LGSN: variants seen among roughly 807,000 people sequenced by gnomAD.
LGSN encodes the protein lengsin, lens protein with glutamine synthetase domain.
In LGSN, 21 loss-of-function variants were observed where a neutral mutation model predicts 19.5. That is an observed-to-expected ratio of 1.07 (90% CI 0.76 to 1.55). The LOEUF is 1.55. Among genes scored for constraint, LGSN ranks in the 40% most tolerant of loss-of-function variants. The pLI is 0.00. For missense variants in LGSN, 673 were observed against 608.5 expected (o/e 1.11, Z -1.12); for synonymous variants, 257 against 215.6 (o/e 1.19, Z -1.68).
At chr6:63,516,109 A>G in the LGSN span, among the ~76,000 whole-genome samples, 7 of 152,192 alleles carry the variant, frequency 4.6e-5, no homozygotes, top group African/African-American at 1.7e-4. Context: ...AATCTAAACC[A>G]TCAATAGAAC....
chr6:63,416,113 C>CT, the LGSN span, among the ~76,000 whole-genome samples: 150 of 133,178 alleles, frequency 1.1e-3, no homozygotes, highest in African/African-American at 2.6e-3. Context: ...AAGGGAGATG[C>CT]TTTTTTTTTT....
the LGSN span, among the ~76,000 whole-genome samples, chr6:63,454,470 C>CTTT: frequency 1.1e-3 from 131 of 118,652 alleles, 1 homozygote; most frequent in East Asian, 1.7e-3. Context: ...TTTACATTTT[C>CTTT]TTTTTTTTTT....
the LGSN span, among the ~76,000 whole-genome samples, chr6:63,492,442 A>G: frequency 7.2e-5 from 11 of 152,372 alleles, no homozygotes; most frequent in African/African-American, 2.2e-4. Context: ...CCGTAATTAT[A>G]CAGTGACTTC....
the LGSN span, among the ~76,000 whole-genome samples, chr6:63,406,594 A>G: frequency 6.6e-6 from 1 of 151,018 alleles, no homozygotes; most frequent in Non-Finnish European, 1.5e-5. Context: ...CAAAATTGAC[A>G]CCCTAACATC....
the LGSN span, among the ~76,000 whole-genome samples, chr6:63,568,816 C>G: frequency 6.6e-6 from 1 of 152,068 alleles, no homozygotes; most frequent in African/African-American, 2.4e-5. Flanking sequence ...CTGACAGCAG[C>G]CATGGCATAC....
the LGSN span, among the ~76,000 whole-genome samples, chr6:63,328,890 C>T: frequency 0.013 from 1,966 of 152,238 alleles, 32 homozygotes; most frequent in African/African-American, 0.044. Flanking sequence ...TGGCAAAAGC[C>T]GGTAATTCCA....
At chr6:63,311,141 T>G (rs545390977) in intron 1 of LGSN, among the ~76,000 whole-genome samples, 1 of 152,192 alleles carries the variant, frequency 6.6e-6, no homozygotes, top group African/African-American at 2.4e-5. Context: ...GGTAAAGCCA[T>G]GTTTATCTCC....
the LGSN span, chr6:63,549,121 T>A: frequency 4.3e-6 from 3 of 696,050 alleles, no homozygotes; most frequent in South Asian, 1.5e-5. Context: ...GGTCTCTTAG[T>A]GGGGATGCCC....
the LGSN span, among the ~76,000 whole-genome samples, chr6:63,405,721 C>T: frequency 6.6e-6 from 1 of 152,154 alleles, no homozygotes; most frequent in Non-Finnish European, 1.5e-5. Context: ...AATTAAAAGA[C>T]ACAGACTGGC....
upstream of LGSN, among the ~76,000 whole-genome samples, chr6:63,323,574 A>G (rs867993271): frequency 3.5e-3 from 444 of 127,538 alleles, 2 homozygotes; most frequent in African/African-American, 0.011. Flanking sequence ...ACACACACAC[A>G]CACACACACA....
the LGSN span, among the ~76,000 whole-genome samples, chr6:63,471,865 A>T: frequency 1.3e-5 from 2 of 152,076 alleles, no homozygotes; most frequent in African/African-American, 4.8e-5. Flanking sequence ...TCAGGATGGG[A>T]TTAGTGCCGT....
At chr6:63,530,470 G>C in the LGSN span, among the ~76,000 whole-genome samples, 1 of 152,066 alleles carries the variant, frequency 6.6e-6, no homozygotes, top group East Asian at 1.9e-4. Flanking sequence ...AGGCTTAGAC[G>C]CCCAGATGTA....
the LGSN span, among the ~76,000 whole-genome samples, chr6:63,530,947 G>T: frequency 6.6e-6 from 1 of 152,080 alleles, no homozygotes; most frequent in Admixed American, 6.5e-5. Context: ...TTAGAAAAAT[G>T]AGCACTATTT....
chr6:63,290,058 GA>G (rs578029027), intron 2 of LGSN, among the ~76,000 whole-genome samples: 5,026 of 142,954 alleles, frequency 0.035, 266 homozygotes, highest in African/African-American at 0.12. Flanking sequence ...GCTTTTCTTT[GA>G]AAAAAAAAAA....
the LGSN span, among the ~76,000 whole-genome samples, chr6:63,359,926 T>C: frequency 2.6e-5 from 4 of 152,226 alleles, no homozygotes; most frequent in Non-Finnish European, 4.4e-5. Flanking sequence ...TTATGAAGCT[T>C]ACTTTAGCTG....
At chr6:63,547,187 ATTT>A in the LGSN span, among the ~76,000 whole-genome samples, 9 of 133,970 alleles carry the variant, frequency 6.7e-5, no homozygotes, top group Non-Finnish European at 4.8e-5. Flanking sequence ...GTAGGGGGGA[ATTT>A]TTTTTTTTTT....
the LGSN span, among the ~76,000 whole-genome samples, chr6:63,527,324 A>G: frequency 6.6e-6 from 1 of 152,204 alleles, no homozygotes; most frequent in Non-Finnish European, 1.5e-5. Flanking sequence ...AAGACATGCC[A>G]TATATCTTAC....
the LGSN span, among the ~76,000 whole-genome samples, chr6:63,459,431 A>G: frequency 1.3e-5 from 2 of 152,162 alleles, no homozygotes; most frequent in South Asian, 4.2e-4. Context: ...TAAATTTTCA[A>G]TCTATTCATT....
chr6:63,513,474 G>A, the LGSN span, among the ~76,000 whole-genome samples: 70,607 of 151,650 alleles, frequency 0.47, 16,695 homozygotes, highest in African/African-American at 0.53. Flanking sequence ...AATGTTTGCC[G>A]TAGTCCCCTT....
Sources: gnomAD v4.1 joint callset for allele counts (sites outside exome capture counted in the v4.1 genomes callset) on GRCh38, gnomAD v4.1.1 for gene constraint, MANE v1.5 for transcripts, NCBI Gene and HGNC (gene_info 2026-07-23, HGNC 2026-07-21) for gene names.